SIGLEC1: variants seen among roughly 807,000 people sequenced by gnomAD.
SIGLEC1 encodes sialic acid binding Ig like lectin 1.
A neutral mutation model predicts 148.0 loss-of-function variants in SIGLEC1; 132 were observed. That is an observed-to-expected ratio of 0.89 (90% CI 0.77 to 1.03). SIGLEC1 has a LOEUF of 1.03. Among genes scored for constraint, SIGLEC1 ranks in the 50% least tolerant of loss-of-function variants. SIGLEC1 has a pLI of 0.00. For missense variants in SIGLEC1, 2,253 were observed against 2,271.4 expected, an observed-to-expected ratio of 0.99 and a Z score of 0.16; for synonymous variants, 945 against 969.0, an observed-to-expected ratio of 0.98 and a Z score of 0.46.
chr20:3,691,657 C>T, intron 17 of SIGLEC1, 57 bp from the exon 18 acceptor site: 1 of 1,581,162 alleles, frequency 6.3e-7, no homozygotes, highest in Non-Finnish European at 8.6e-7. Flanking sequence ...GGGCTGGAGC[C>T]TCTGGGTGGG....
At position 3,693,701 on chromosome 20, in the gene SIGLEC1, G is replaced by A. The variant is rs1170369845; in HGVS notation, c.3257-3C>T. On this transcript the variant is annotated splice_region_variant and splice_polypyrimidine_tract_variant and intron_variant, in intron 13 of 21. Coordinates refer to ENST00000344754, the MANE Select transcript of SIGLEC1 (RefSeq NM_023068.4). The stretch of plus-strand genomic sequence containing the variant: ...GGGCCACACCTGCACATTCACAGCT[G>A]GGGAGAGGGAGGGCACAGGACACCA... The A allele has an allele frequency of 2.5e-6, 4 of 1,571,550 alleles. No individual in the cohort carries two copies. The highest frequency in any genetic ancestry group is 2.6e-6 in the Non-Finnish European group (3 of 1,155,700).
At chr20:3,693,344 T>C in intron 14 of SIGLEC1, 103 bp downstream of exon 14, 11 of 1,335,258 alleles carry the variant, frequency 8.2e-6, no homozygotes, top group Non-Finnish European at 1.0e-5. Context: ...AGCTACTGGG[T>C]ACCGAGTTCC....
rs1325519743 is a variant in SIGLEC1 at position 3,699,225 on chromosome 20, G to A, written c.1763C>T (p.Ser588Leu). The change falls in exon 8 of 22, where the codon TCG becomes TTG. Residue 588 changes from serine (S) to leucine (L), a missense_variant. Transcript: ENST00000344754. Reference sequence around the variant, plus strand: ...ACAGAGCACAGTGAGAACAGCTGGCGAAGAGGGGCCACTGGCACTGTGGCC... The same window carrying A: ...ACAGAGCACAGTGAGAACAGCTGGCAAAGAGGGGCCACTGGCACTGTGGCC... ...RDGHSASGPS[S>L]PAVLTVLYPP... 8 of 1,610,424 alleles carry A rather than the reference G, an allele frequency of 5.0e-6. No individual in the cohort carries two copies. Among genetic ancestry groups the A allele is most frequent in the Non-Finnish European group, 6.8e-6 (8 of 1,179,174 alleles).
At position 3,692,904 on chromosome 20, in the gene SIGLEC1, G is replaced by A. The variant is rs762913051; in HGVS notation, c.3736C>T (p.Pro1246Ser). 116 of 1,611,990 alleles carry A rather than the reference G, an allele frequency of 7.2e-5. 2 individuals are homozygous for A. The South Asian group carries it at 1.2e-3, about 17-fold the overall frequency. Residue 1246 changes from proline (P) to serine (S), a missense_variant, in exon 15 of 22, where the codon CCT becomes TCT. Coordinates refer to ENST00000344754, the MANE Select transcript of SIGLEC1 (RefSeq NM_023068.4). The part of the protein sequence containing the change: ...EGFYSCSARS[P>S]LGQANTSLEL... Reference sequence around the variant, plus strand: ...AGGGACGTGTTGGCCTGGCCCAGAGGGCTGCGGGCAGAGCAGCTGTAGAAA... The same window carrying A: ...AGGGACGTGTTGGCCTGGCCCAGAGAGCTGCGGGCAGAGCAGCTGTAGAAA...
In SIGLEC1 at chr20:3,688,573, G is replaced by A. The variant is rs1338406199; in HGVS notation, c.5117C>T (p.Pro1706Leu). ...AATCETSTCA[P>L]PLG ...CAACACCACTGGTCAGCCCAGGGGT[G>A]GGGCACAGGTTGAGGTCTCACATGT... is the stretch of plus-strand genomic sequence containing the variant. Residue 1706 changes from proline to leucine, a missense_variant, in exon 22 of 22, where the codon CCA becomes CTA. By Grantham distance (98) the Pro-to-Leu change is moderately conservative. Coordinates refer to ENST00000344754, the MANE Select transcript of SIGLEC1 (RefSeq NM_023068.4). 6.9e-6 allele frequency: 11 copies of A among 1,601,302 alleles called. No individual in the cohort carries two copies. The highest frequency in any genetic ancestry group is 2.2e-5 in the East Asian group (1 of 44,502).
chr20:3,706,104 A>G lies in SIGLEC1; in HGVS notation c.410-64T>C, dbSNP rs918832314. The G allele has an allele frequency of 2.6e-6, 4 of 1,536,808 alleles. No individual in the cohort carries two copies. The African/African-American group carries it at 5.5e-5, about 21-fold the overall frequency. On this transcript the variant is annotated intron_variant, in intron 3 of 21. Transcript: ENST00000344754. ...CCACCCCTGAGATCCCTCGCCCTGG[A>G]AACCCCAGCTGAGGAGAGAGCCCTG...
intron 8 of SIGLEC1, 25 bp downstream of exon 8, chr20:3,699,177 G>A: frequency 1.2e-6 from 2 of 1,603,760 alleles, no homozygotes; most frequent in Non-Finnish European, 1.7e-6. Flanking sequence ...CCGGCAGGAG[G>A]CTGCAACAGG....
rs1413332500 is a variant in SIGLEC1, at chr20:3,690,121, G to A, written c.4735C>T (p.Gln1579Ter). Residue 1579 changes from glutamine (Q) to a stop codon, truncating the protein, a stop_gained, in exon 19 of 22, where the codon CAG (glutamine) becomes TAG (stop). Transcript: ENST00000344754. LOFTEE classifies it high-confidence loss of function. ...GSRLVASSQP[Q>*]GAPAEPHIHV... The stretch of plus-strand genomic sequence containing the variant: ...ATGTGTGGCTCTGCAGGAGCACCCT[G>A]GGGCTGACTGGAGGCCACCAGTCGA... 6.2e-7 allele frequency: 1 copy of A among 1,608,968 alleles called. No homozygotes were observed. Among genetic ancestry groups the A allele is most frequent in the Admixed American group, 1.7e-5 (1 of 59,524 alleles).
rs1033928047 is a variant in SIGLEC1 at position 3,698,271 on chromosome 20, C to A, written c.1787-138G>T. On this transcript the variant is annotated intron_variant, in intron 8 of 21. Transcript: ENST00000344754. ...GCAGCTGTGCAGACTGTGCACTGCA[C>A]AAGGGCAGCCAGACCAGGGTGGGTG... 7 of 728,454 alleles carry A rather than the reference C, an allele frequency of 9.6e-6. No individual in the cohort carries two copies. In the East Asian group the frequency reaches 2.1e-4, roughly 22 times the overall value. The allele number at this position is 728,454 out of a possible 1,614,324, so 45.1% of individuals were successfully genotyped here. A position where few individuals can be genotyped will look rare whatever the true frequency, so the allele number is the denominator to read the frequency against.
Position 3,697,304 on chromosome 20 carries a change from C to G in SIGLEC1, c.2161G>C (p.Glu721Gln). ...CAAGTCAAGTTGGCTTCTGTGCCCT[C>G]CTGAAGTGTGTGTGATGGTGCAATG... is the stretch of plus-strand genomic sequence containing the variant. ...LAIAPSHTLQ[E>Q]GTEANLTCNV... The change falls in exon 10 of 22, where the codon GAG (glutamate) becomes CAG (glutamine). Residue 721 changes from glutamate to glutamine, a missense_variant. Coordinates refer to ENST00000344754, the MANE Select transcript of SIGLEC1 (RefSeq NM_023068.4). The G allele has an allele frequency of 6.2e-7, 1 of 1,613,924 alleles. No homozygotes were observed. The highest frequency in any genetic ancestry group is 1.7e-5 in the Admixed American group (1 of 60,024).
chr20:3,698,273 A>C, intron 8 of SIGLEC1, 140 bp from the exon 9 acceptor site: 1 of 719,940 alleles, frequency 1.4e-6, no homozygotes, highest in Non-Finnish European at 2.2e-6. Flanking sequence ...GCACTGCACA[A>C]GGGCAGCCAG....
Position 3,699,269 on chromosome 20 carries a change from G to A in SIGLEC1, c.1719C>T (p.Tyr573=), listed in dbSNP as rs1176410543. Residue 573 remains tyrosine, a synonymous_variant, in exon 8 of 22, where the codon TAC becomes TAT. Coordinates refer to ENST00000344754, the MANE Select transcript of SIGLEC1 (RefSeq NM_023068.4). Reference sequence around the variant, plus strand: ...TGTGGCCGTCCCGGGCCCGGCAGTGGTATGAGCCGGCGTCAGTGCTGGAGG... The same window carrying A: ...TGTGGCCGTCCCGGGCCCGGCAGTGATATGAGCCGGCGTCAGTGCTGGAGG... ...PAASSTDAGS[Y]HCRARDGHSA... The A allele has an allele frequency of 1.2e-6, 2 of 1,609,518 alleles. No homozygotes were observed. The highest frequency in any genetic ancestry group is 1.3e-5 in the African/African-American group (1 of 75,016).
Position 3,706,492 on chromosome 20 carries a change from C to T in SIGLEC1, c.264G>A (p.Glu88=). 1.2e-6 allele frequency: 2 copies of T among 1,613,820 alleles called. No individual in the cohort carries two copies. The highest frequency in any genetic ancestry group is 1.3e-5 in the African/African-American group (1 of 75,072). ...CCCTGTGCTCGGGGTTCCCCATGAA[C>T]TCGGTGCGGCCGCGGAAGCGGGCCT... ...LVEARFRGRT[E]FMGNPEHRVC... is the part of the protein sequence containing the mutation. Residue 88 remains glutamate (E), a synonymous_variant, in exon 3 of 22, where the codon GAG becomes GAA. Coordinates refer to ENST00000344754, the MANE Select transcript of SIGLEC1 (RefSeq NM_023068.4).
At chr20:3,692,413 T>C in intron 16 of SIGLEC1, 108 bp downstream of exon 16, 2 of 1,321,212 alleles carry the variant, frequency 1.5e-6, no homozygotes, top group South Asian at 1.5e-5. Flanking sequence ...TTTCCCCAAC[T>C]GCCCATTCCT....
chr20:3,696,515 A>C (rs1228186946), intron 11 of SIGLEC1, 71 bp downstream of exon 11: 2 of 1,422,142 alleles, frequency 1.4e-6, no homozygotes, highest in Non-Finnish European at 1.9e-6. Flanking sequence ...CACAGCACCC[A>C]GCCCAAAGTC....
rs375405123 is a variant in SIGLEC1 at position 3,688,588 on chromosome 20, GT to G, written c.5101del (p.Thr1701ProfsTer26). ...GCCCAGGGGTGGGGCACAGGTTGAGGTCTCACATGTGGCTGCATCAGGATCA... is the reference window on the plus strand; with the variant it reads ...GCCCAGGGGTGGGGCACAGGTTGAGGCTCACATGTGGCTGCATCAGGATCA... ...LIDPDAATCE[T>X]STCAPPLG On this transcript the variant is annotated frameshift_variant, in exon 22 of 22. Coordinates refer to ENST00000344754, the MANE Select transcript of SIGLEC1 (RefSeq NM_023068.4). LOFTEE classifies it high-confidence loss of function. 1,824 of 1,603,222 alleles carry G rather than the reference GT, an allele frequency of 1.1e-3. 24 individuals carry two copies. The South Asian group carries it at 0.016, about 14-fold the overall frequency.
At position 3,701,595 on chromosome 20, in the gene SIGLEC1, C is replaced by T. The variant is rs45472900; in HGVS notation, c.1275G>A (p.Ala425=). The change falls in exon 7 of 22, where the codon GCG becomes GCA. Residue 425 remains alanine, a synonymous_variant. Coordinates refer to ENST00000344754, the MANE Select transcript of SIGLEC1 (RefSeq NM_023068.4). ...AGCAGTGAAGGATGCCCACAAGTCC[C>T]GCCTGGGTCTCCAGGAAGGCTGTCA... ...PVLTAFLETQ[A]GLVGILHCSV... 102,819 of 1,592,036 alleles carry T rather than the reference C, an allele frequency of 0.065. 3,796 individuals are homozygous for T. Among genetic ancestry groups the T allele is most frequent in the East Asian group, 0.12 (5,452 of 44,418 alleles).
rs989078562 is a variant in SIGLEC1 at position 3,687,256 on chromosome 20, C to T, written c.*1304G>A. The T allele has an allele frequency of 2.0e-5, 3 of 152,314 alleles. No homozygotes were observed. The highest frequency in any genetic ancestry group is 7.2e-5 in the African/African-American group (3 of 41,474). The allele number at this position is 152,314 out of a possible 1,614,324, so 9.4% of individuals were successfully genotyped here. ...TCACTAGCCCACTCAAGAGCTCTCTCCTGTTGGTCCCTGATTCGCAGGGGC... is the reference window on the plus strand; with the variant it reads ...TCACTAGCCCACTCAAGAGCTCTCTTCTGTTGGTCCCTGATTCGCAGGGGC... On this transcript the variant is annotated 3_prime_UTR_variant, in exon 22 of 22. Transcript: ENST00000344754.
intron 4 of SIGLEC1, among the ~76,000 whole-genome samples, chr20:3,705,197 A>C (rs2087883368): frequency 6.6e-6 from 1 of 152,082 alleles, no homozygotes; most frequent in African/African-American, 2.4e-5. Context: ...AGGTTTCACC[A>C]TGTTGGCCAA....
Sources: gnomAD v4.1 joint callset for allele counts (sites outside exome capture counted in the v4.1 genomes callset) on GRCh38, gnomAD v4.1.1 for gene constraint, MANE v1.5 for transcripts, NCBI Gene and HGNC (gene_info 2026-07-23, HGNC 2026-07-21) for gene names.